SMG7: variants seen among roughly 807,000 people sequenced by gnomAD.
SMG7 encodes the protein nonsense-mediated mRNA decay factor SMG7.
A neutral mutation model predicts 148.2 loss-of-function variants in SMG7; 34 were observed. The ratio of observed to expected loss-of-function variants is 0.23; its 90% CI spans 0.17 to 0.31. The LOEUF (loss-of-function observed/expected upper bound fraction) is 0.31. Ranked by LOEUF, SMG7 falls within the 10% of genes least tolerant of loss-of-function variation. The probability of loss-of-function intolerance (pLI) is 1.00; values close to 1 mark genes in which losing one functional copy is unlikely to be tolerated. For synonymous variants in SMG7, 492 were observed against 515.1 expected, an observed-to-expected ratio of 0.96 and a Z score of 0.61; for missense variants, 1,114 against 1,408.4, an observed-to-expected ratio of 0.79 and a Z score of 3.35.
At chr1:183,508,652 G>A (rs1300350118) in intron 1 of SMG7, among the ~76,000 whole-genome samples, 1 of 152,138 alleles carries the variant, frequency 6.6e-6, no homozygotes, top group East Asian at 1.9e-4. Context: ...GGAAGATAGA[G>A]ATTCCTTTTC....
intron 15 of SMG7, 140 bp from the exon 16 acceptor site, chr1:183,544,790 G>A (rs1468396492): frequency 6.4e-6 from 6 of 933,690 alleles, no homozygotes; most frequent in East Asian, 2.4e-5. Flanking sequence ...TTCAAATCAA[G>A]TTAAAGATTG....
intron 1 of SMG7, chr1:183,502,303 G>T: frequency 6.5e-7 from 1 of 1,534,432 alleles, no homozygotes; most frequent in South Asian, 1.2e-5. Flanking sequence ...CTTGCAGATA[G>T]TCATTGTGGG....
At chr1:183,536,342 A>G (rs1389345396) in intron 10 of SMG7, among the ~76,000 whole-genome samples, 2 of 152,122 alleles carry the variant, frequency 1.3e-5, no homozygotes, top group Non-Finnish European at 1.5e-5. Context: ...TGAACACTCA[A>G]ACTACTTGGA....
At chr1:183,484,824 CTGT>C (rs2102123084) in intron 1 of SMG7, among the ~76,000 whole-genome samples, 1 of 151,550 alleles carries the variant, frequency 6.6e-6, no homozygotes, top group African/African-American at 2.4e-5. Context: ...TCATTTTGAC[CTGT>C]TGTTTGAAAG....
At position 183,551,851 on chromosome 1, in the gene SMG7, C is replaced by T; in HGVS notation, c.3484C>T (p.Pro1162Ser). The part of the protein sequence containing the change: ...IWSSSMMHPG[P>S]SALEQLLMQQ... The stretch of plus-strand genomic sequence containing the variant: ...GTCCAGTTCCATGATGCATCCTGGA[C>T]CTTCTGCTCTGGAGCAGCTGTTAAT... The change falls in exon 23 of 23, where the codon CCT (proline) becomes TCT (serine). Residue 1162 changes from proline (P) to serine (S), a missense_variant. Around this residue, in one of 4 missense-constraint regions of SMG7, gnomAD observed 788 missense variants for 894.5 expected, o/e 0.88. Coordinates refer to ENST00000688051, the MANE Select transcript of SMG7 (RefSeq NM_001375584.1). The T allele has an allele frequency of 6.2e-7, 1 of 1,613,556 alleles. No individual in the cohort carries two copies. Among genetic ancestry groups the T allele is most frequent in the South Asian group, 1.1e-5 (1 of 91,008 alleles).
intron 1 of SMG7, among the ~76,000 whole-genome samples, chr1:183,498,281 A>C (rs775818136): frequency 2.0e-5 from 3 of 152,156 alleles, no homozygotes; most frequent in Admixed American, 6.5e-5. Context: ...CTGTAATCCC[A>C]GCACTTTGGG....
At chr1:183,491,563 A>C (rs940958931) in intron 1 of SMG7, among the ~76,000 whole-genome samples, 27 of 152,260 alleles carry the variant, frequency 1.8e-4, no homozygotes, top group African/African-American at 5.5e-4. Context: ...ATATACATAT[A>C]TATATATCTC....
Position 183,538,443 on chromosome 1 carries a change from A to C in SMG7, c.1295+3A>C, listed in dbSNP as rs754430414. On this transcript the variant is annotated splice_donor_region_variant and intron_variant, in intron 12 of 22. Coordinates refer to ENST00000688051, the MANE Select transcript of SMG7 (RefSeq NM_001375584.1). ...TTGGCATTGAGACCTTCTTTCAGGT[A>C]GGTGATAGCTGAAGTACCTTTATCA... 6.3e-7 allele frequency: 1 copy of C among 1,594,714 alleles called. No homozygotes were observed. The highest frequency in any genetic ancestry group is 2.2e-5 in the East Asian group (1 of 44,758).
intron 1 of SMG7, among the ~76,000 whole-genome samples, chr1:183,482,985 T>C (rs1448734688): frequency 2.6e-5 from 4 of 152,198 alleles, no homozygotes; most frequent in African/African-American, 9.6e-5. Context: ...TAAGGTTAAG[T>C]GAAGTGTCTT....
At chr1:183,539,759 A>G (rs1244333791) in intron 12 of SMG7, among the ~76,000 whole-genome samples, 2 of 152,150 alleles carry the variant, frequency 1.3e-5, no homozygotes, top group Non-Finnish European at 2.9e-5. Flanking sequence ...AAGCCTTTAT[A>G]ATTATGTGTC....
intron 7 of SMG7, 69 bp downstream of exon 7, chr1:183,529,111 AATTT>A: frequency 6.9e-7 from 1 of 1,456,084 alleles, no homozygotes; most frequent in Non-Finnish European, 9.3e-7. Flanking sequence ...AATTCCTCAT[AATTT>A]GGTTTACAGA....
intron 17 of SMG7, 101 bp downstream of exon 17, chr1:183,546,438 C>A (rs541176544): frequency 2.4e-6 from 3 of 1,252,900 alleles, no homozygotes; most frequent in South Asian, 2.9e-5. Context: ...CACTCTTATT[C>A]GTTAGTACTA....
rs1008714546 is a variant in SMG7 at position 183,518,280 on chromosome 1, TA to T, written c.312+471del. Among the ~76,000 whole-genome samples, 482 of 144,800 alleles carry T rather than the reference TA, an allele frequency of 3.3e-3. 4 individuals carry two copies. Among genetic ancestry groups the T allele is most frequent in the African/African-American group, 0.012 (465 of 39,598 alleles). 95.0% of individuals were successfully genotyped at this position (144,800 alleles called of 152,430 possible). On this transcript the variant is annotated intron_variant, in intron 4 of 22. Transcript: ENST00000688051. Reference sequence around the variant, plus strand: ...TCAATGCAAATGTCCATAAGACCTTTAAAAAAAAAAACGCTGTGCTTTTAAA... The same window carrying T: ...TCAATGCAAATGTCCATAAGACCTTTAAAAAAAAAACGCTGTGCTTTTAAA...
chr1:183,542,336 A>G lies in SMG7; in HGVS notation c.1676A>G (p.Asp559Gly). ...ENIKTREVNRDQGRSFPPKEV... is the reference protein window; with the variant it reads ...ENIKTREVNRGQGRSFPPKEV... ...ATTAAGACACGAGAAGTGAACAGAG[A>G]CCAAGGAAGAAGTTTTCCTCCCAAA... Residue 559 changes from aspartate to glycine, a missense_variant, in exon 14 of 23, where the codon GAC (aspartate) becomes GGC (glycine). Asp to Gly is a moderately conservative substitution (Grantham distance 94). Coordinates refer to ENST00000688051, the MANE Select transcript of SMG7 (RefSeq NM_001375584.1). 6.2e-7 allele frequency: 1 copy of G among 1,614,152 alleles called. No homozygotes were observed. Among genetic ancestry groups the G allele is most frequent in the East Asian group, 2.2e-5 (1 of 44,880 alleles).
chr1:183,502,197 T>C (rs759376585), intron 1 of SMG7: 1 of 1,147,130 alleles, frequency 8.7e-7, no homozygotes, highest in Non-Finnish European at 1.1e-6. Flanking sequence ...ATTTTCTTCA[T>C]AGGGGTTCTC....
intron 4 of SMG7, among the ~76,000 whole-genome samples, chr1:183,525,835 G>A (rs1665725999): frequency 6.6e-6 from 1 of 152,108 alleles, no homozygotes. Flanking sequence ...GCAAAGACAT[G>A]TGAATTGGCA....
At chr1:183,477,948 A>G (rs1557937910) in intron 1 of SMG7, among the ~76,000 whole-genome samples, 1 of 152,172 alleles carries the variant, frequency 6.6e-6, no homozygotes, top group Non-Finnish European at 1.5e-5. Context: ...AAGCCAGCAG[A>G]AAAATGGTTG....
In SMG7 at chr1:183,542,502, G is replaced by C. The variant is rs1389512589; in HGVS notation, c.1842G>C (p.Gln614His). The change falls in exon 14 of 23, where the codon CAG becomes CAC. Residue 614 changes from glutamine to histidine, a missense_variant and splice_region_variant. Gln to His is a conservative substitution (Grantham distance 24). This residue lies in a region of SMG7 where 788 missense variants were observed against 894.5 expected (regional missense o/e 0.88). Transcript: ENST00000688051. ...CAGGAAAGCAGAATGTGGCAGTGCAGGTAAGCTGTATTTGAACTATAAAGC... is the reference window on the plus strand; with the variant it reads ...CAGGAAAGCAGAATGTGGCAGTGCACGTAAGCTGTATTTGAACTATAAAGC... Reference protein sequence around the residue: ...QETGKQNVAVQVKSQTELRKT... With the variant: ...QETGKQNVAVHVKSQTELRKT... 6.2e-7 allele frequency: 1 copy of C among 1,609,932 alleles called. No homozygotes were observed. Among genetic ancestry groups the C allele is most frequent in the African/African-American group, 1.3e-5 (1 of 74,492 alleles).
At chr1:183,550,460 A>G (rs912253508) in intron 20 of SMG7, among the ~76,000 whole-genome samples, 1 of 152,234 alleles carries the variant, frequency 6.6e-6, no homozygotes, top group African/African-American at 2.4e-5. Context: ...CATAAGACCA[A>G]TAAACATGTA....
Sources: gnomAD v4.1 joint callset for allele counts (sites outside exome capture counted in the v4.1 genomes callset) on GRCh38, gnomAD v4.1.1 for gene constraint, gnomAD v4.1.1 regional missense constraint, MANE v1.5 for transcripts, NCBI Gene and HGNC (gene_info 2026-07-23, HGNC 2026-07-21) for gene names.